Variants in EEFSEC observed in about 807,000 individuals in gnomAD.
EEFSEC encodes eukaryotic elongation factor, selenocysteine-tRNA specific.
Under a neutral mutation model 42.1 loss-of-function variants are expected in EEFSEC, and 43 were observed. The observed-to-expected ratio is 1.02, with a 90% confidence interval of 0.80 to 1.32. The LOEUF is 1.32. Ranked by LOEUF, EEFSEC falls within the 40% of genes most tolerant of loss-of-function variation. The probability of loss-of-function intolerance (pLI) is 0.00; values close to 1 mark genes in which losing one functional copy is unlikely to be tolerated. For missense variants in EEFSEC, 745 were observed against 803.6 expected (o/e 0.93, Z 0.88); for synonymous variants, 354 against 339.1 (o/e 1.04, Z -0.48).
chr3:128,298,188 G>C (rs1296593413), intron 4 of EEFSEC, among the ~76,000 whole-genome samples: 2 of 152,172 alleles, frequency 1.3e-5, no homozygotes, highest in African/African-American at 4.8e-5. Flanking sequence ...TTCTGAGACA[G>C]GGTCTCTGTC....
chr3:128,263,263 T>C (rs1180610387), intron 3 of EEFSEC, among the ~76,000 whole-genome samples: 1 of 152,220 alleles, frequency 6.6e-6, no homozygotes, highest in African/African-American at 2.4e-5. Flanking sequence ...TTAAATAACT[T>C]GACCCATGTC....
rs535519966 is a variant in EEFSEC, at chr3:128,313,866, C to G, written c.787-27367C>G. Among the ~76,000 whole-genome samples the G allele has an allele frequency of 2.0e-5, 3 of 152,316 alleles. No homozygotes were observed. In the East Asian group the frequency reaches 5.8e-4, roughly 29 times the overall value. Reference sequence around the variant, plus strand: ...TTAGAGTTAAGTCTCCCTGACAACCCCCTGTCTTGGGTCCCTGGTCTCTCC... The same window carrying G: ...TTAGAGTTAAGTCTCCCTGACAACCGCCTGTCTTGGGTCCCTGGTCTCTCC... On this transcript the variant is annotated intron_variant, in intron 4 of 6. Transcript: ENST00000254730.
chr3:128,364,854 C>A (rs1331212470), intron 6 of EEFSEC, among the ~76,000 whole-genome samples: 1 of 152,236 alleles, frequency 6.6e-6, no homozygotes, highest in African/African-American at 2.4e-5. Context: ...TGGCCCCAAC[C>A]CACAGGTGAG....
intron 6 of EEFSEC, among the ~76,000 whole-genome samples, chr3:128,369,721 C>T (rs755864574): frequency 2.4e-4 from 36 of 152,126 alleles, no homozygotes; most frequent in Non-Finnish European, 4.9e-4. Context: ...GAGGACTTTC[C>T]CTCCTAGCTT....
At chr3:128,293,771 T>C (rs1338648959) in intron 4 of EEFSEC, among the ~76,000 whole-genome samples, 2 of 152,128 alleles carry the variant, frequency 1.3e-5, no homozygotes, top group Admixed American at 6.5e-5. Context: ...CTTTCTGGCT[T>C]GTGACCTTGG....
At chr3:128,295,521 G>A (rs1234692096) in intron 4 of EEFSEC, among the ~76,000 whole-genome samples, 2 of 111,346 alleles carry the variant, frequency 1.8e-5, no homozygotes, top group Non-Finnish European at 3.4e-5. Flanking sequence ...CTTATTAAAA[G>A]TTCAACATAA....
At chr3:128,403,482 C>A (rs539523353) in intron 6 of EEFSEC, among the ~76,000 whole-genome samples, 1 of 152,272 alleles carries the variant, frequency 6.6e-6, no homozygotes, top group South Asian at 2.1e-4. Flanking sequence ...AGACACAGGG[C>A]CTGCAGGAGG....
At chr3:128,308,510 A>G (rs1345710968) in intron 4 of EEFSEC, among the ~76,000 whole-genome samples, 1 of 152,222 alleles carries the variant, frequency 6.6e-6, no homozygotes, top group East Asian at 1.9e-4. Context: ...ACTGAAGCCA[A>G]ATGCCATTTA....
intron 1 of EEFSEC, among the ~76,000 whole-genome samples, chr3:128,216,892 C>G (rs1430401287): frequency 6.6e-6 from 1 of 151,930 alleles, no homozygotes; most frequent in Non-Finnish European, 1.5e-5. Flanking sequence ...CTGGCTTTGG[C>G]AGTGATCCTG....
At chr3:128,212,042 T>C (rs982053768) in intron 1 of EEFSEC, among the ~76,000 whole-genome samples, 2 of 151,716 alleles carry the variant, frequency 1.3e-5, no homozygotes, top group African/African-American at 4.8e-5. Flanking sequence ...TTTGTATTTT[T>C]AGTAGAGACA....
chr3:128,346,104 A>G (rs2067309736), intron 5 of EEFSEC, among the ~76,000 whole-genome samples: 1 of 152,252 alleles, frequency 6.6e-6, no homozygotes, highest in Admixed American at 6.5e-5. Context: ...GTGCGTCTGC[A>G]TCACTGGCTC....
At chr3:128,186,933 C>G (rs919172949) in intron 1 of EEFSEC, among the ~76,000 whole-genome samples, 8 of 152,196 alleles carry the variant, frequency 5.3e-5, no homozygotes, top group African/African-American at 1.9e-4. Flanking sequence ...ACCTTCCCAG[C>G]CTGTCTTCCT....
chr3:128,390,631 A>C (rs1246296890), intron 6 of EEFSEC, among the ~76,000 whole-genome samples: 2 of 152,192 alleles, frequency 1.3e-5, no homozygotes, highest in African/African-American at 4.8e-5. Context: ...CACAGGACAC[A>C]GCGGCCACAA....
chr3:128,244,988 A>G (rs1376794348), intron 1 of EEFSEC, among the ~76,000 whole-genome samples: 1 of 152,220 alleles, frequency 6.6e-6, no homozygotes, highest in Non-Finnish European at 1.5e-5. Context: ...GCTGATGGAC[A>G]TTTACCTAGT....
intron 5 of EEFSEC, among the ~76,000 whole-genome samples, chr3:128,342,766 G>A (rs2067270058): frequency 6.6e-6 from 1 of 152,224 alleles, no homozygotes; most frequent in African/African-American, 2.4e-5. Context: ...GGGTGGGATG[G>A]GCCTGCCACT....
At chr3:128,347,375 AGAGGGTT>A (rs2067325106) in intron 5 of EEFSEC, among the ~76,000 whole-genome samples, 1 of 152,174 alleles carries the variant, frequency 6.6e-6, no homozygotes, top group African/African-American at 2.4e-5. Context: ...CTTTCTGGGG[AGAGGGTT>A]TAGGAAAGAC....
chr3:128,319,636 A>T (rs1212571282), intron 4 of EEFSEC, among the ~76,000 whole-genome samples: 1 of 152,164 alleles, frequency 6.6e-6, no homozygotes, highest in African/African-American at 2.4e-5. Flanking sequence ...TAATAAGCAC[A>T]CCAGTGACCA....
In EEFSEC at chr3:128,302,534, A is replaced by G. The variant is rs2066780465; in HGVS notation, c.786+37753A>G. Among the ~76,000 whole-genome samples the G allele has an allele frequency of 2.6e-5, 4 of 152,374 alleles. No individual in the cohort carries two copies. In the South Asian group the frequency reaches 8.3e-4, roughly 32 times the overall value. On this transcript the variant is annotated intron_variant, in intron 4 of 6. Transcript: ENST00000254730. ...TTATTTTTTTAAAAAAGTTTGGCTT[A>G]TAAGCAAAATATCTAAAAACATTTC...
At chr3:128,177,877 T>A (rs950004169) in intron 1 of EEFSEC, among the ~76,000 whole-genome samples, 1 of 152,184 alleles carries the variant, frequency 6.6e-6, no homozygotes, top group Admixed American at 6.5e-5. Flanking sequence ...AGACAGGAGA[T>A]GACGTGTGGC....
Sources: allele counts gnomAD v4.1 joint callset (sites outside exome capture counted in the v4.1 genomes callset), GRCh38; gene constraint gnomAD v4.1.1; transcripts MANE v1.5; gene names NCBI Gene and HGNC (gene_info 2026-07-23, HGNC 2026-07-21).